NEDD9: variants seen among roughly 807,000 people sequenced by gnomAD.
The protein encoded by NEDD9 is neural precursor cell expressed, developmentally down-regulated 9, also known as enhancer of filamentation 1.
A neutral mutation model predicts 76.6 loss-of-function variants in NEDD9; 26 were observed. The observed-to-expected ratio is 0.34, with a 90% CI of 0.25 to 0.47. The LOEUF is 0.47. NEDD9 is among the 20% of genes least tolerant of loss of function. NEDD9 has a pLI of 1.00. For synonymous variants in NEDD9, 392 were observed against 414.2 expected (o/e 0.95, Z 0.65); for missense variants, 937 against 1,058.5 (o/e 0.89, Z 1.59).
chr6:11,377,449 A>G (rs1218978356), intron 1 of NEDD9, among the ~76,000 whole-genome samples: 1 of 152,258 alleles, frequency 6.6e-6, no homozygotes, highest in Non-Finnish European at 1.5e-5. Flanking sequence ...ACTTGGAGTC[A>G]AAGGAGATTG....
chr6:11,345,029 G>A lies in NEDD9; in HGVS notation c.-213-10468C>T, dbSNP rs144411393. ...GGGGAATTCTTGTGGAAGTAGAGAA[G>A]ATATTATGGAAGAAAGGTATTTTTG... On this transcript the variant is annotated intron_variant, in intron 1 of 3. Coordinates refer to the NEDD9 transcript ENST00000397378. Among the ~76,000 whole-genome samples, 320 of 152,294 alleles carry A rather than the reference G, an allele frequency of 2.1e-3. 3 individuals carry two copies. The highest frequency in any genetic ancestry group is 7.1e-3 in the African/African-American group (294 of 41,560).
At chr6:11,363,732 A>G (rs1052927805) in intron 1 of NEDD9, among the ~76,000 whole-genome samples, 4 of 152,244 alleles carry the variant, frequency 2.6e-5, no homozygotes, top group African/African-American at 9.6e-5. Context: ...GAATAGATGC[A>G]TGAACCTTTT....
At chr6:11,357,826 A>G (rs1275593499) in intron 1 of NEDD9, among the ~76,000 whole-genome samples, 3 of 152,188 alleles carry the variant, frequency 2.0e-5, no homozygotes, top group African/African-American at 7.2e-5. Flanking sequence ...AATCTTTTCT[A>G]CGTCAGTTCT....
At chr6:11,324,750 C>T (rs1016752269) in intron 2 of NEDD9, among the ~76,000 whole-genome samples, 3 of 134,818 alleles carry the variant, frequency 2.2e-5, no homozygotes, top group African/African-American at 8.9e-5. Flanking sequence ...TAAGTGACTC[C>T]CAAGTGTGTT....
At chr6:11,315,786 A>G (rs750573089) in intron 2 of NEDD9, among the ~76,000 whole-genome samples, 3 of 152,232 alleles carry the variant, frequency 2.0e-5, no homozygotes, top group Non-Finnish European at 4.4e-5. Flanking sequence ...AGATGAAAAG[A>G]GCTATTAGTT....
chr6:11,233,142 C>CCTCT (rs70991101), upstream of NEDD9: 26 of 449,318 alleles, frequency 5.8e-5, no homozygotes, highest in Middle Eastern at 3.4e-4. Context: ...CCTGCTGATA[C>CCTCT]CTCTCTCTCT....
At chr6:11,281,954 G>T (rs1291694696) in intron 3 of NEDD9, among the ~76,000 whole-genome samples, 1 of 151,966 alleles carries the variant, frequency 6.6e-6, no homozygotes, top group Non-Finnish European at 1.5e-5. Context: ...GGCCAGGCTT[G>T]TCTAGATCTC....
chr6:11,277,402 T>C (rs1760440175), intron 3 of NEDD9, among the ~76,000 whole-genome samples: 1 of 152,036 alleles, frequency 6.6e-6, no homozygotes, highest in African/African-American at 2.4e-5. Context: ...GAGGTGGCGT[T>C]TGGGGGTGGG....
chr6:11,221,545 A>G (rs377614128), intron 1 of NEDD9, among the ~76,000 whole-genome samples: 6 of 152,160 alleles, frequency 3.9e-5, no homozygotes, highest in Admixed American at 2.6e-4. Flanking sequence ...CTTATTTTAC[A>G]GCCCAGAGGG....
chr6:11,290,695 G>A (rs546687517), intron 3 of NEDD9, among the ~76,000 whole-genome samples: 2 of 152,256 alleles, frequency 1.3e-5, no homozygotes, highest in East Asian at 3.9e-4. Context: ...AATTAATAAG[G>A]GTGGGCAAGA....
chr6:11,294,679 A>G (rs988448877), intron 3 of NEDD9, among the ~76,000 whole-genome samples: 2 of 152,178 alleles, frequency 1.3e-5, no homozygotes, highest in African/African-American at 2.4e-5. Context: ...TTACATTCCT[A>G]CCAACAGTAT....
chr6:11,216,262 G>A (rs557208603), intron 1 of NEDD9, among the ~76,000 whole-genome samples: 8 of 152,308 alleles, frequency 5.3e-5, no homozygotes, highest in East Asian at 3.9e-4. Flanking sequence ...TTCACACACC[G>A]ATACATATTC....
intron 2 of NEDD9, among the ~76,000 whole-genome samples, chr6:11,197,117 C>A (rs1286256959): frequency 2.6e-5 from 4 of 152,144 alleles, no homozygotes; most frequent in Non-Finnish European, 5.9e-5. Flanking sequence ...GTTAAGGGGA[C>A]CTCAAGTTTG....
intron 3 of NEDD9, among the ~76,000 whole-genome samples, chr6:11,242,164 C>G (rs1295806189): frequency 1.3e-5 from 2 of 152,144 alleles, no homozygotes; most frequent in Admixed American, 6.5e-5. Flanking sequence ...CCTTTCTGCC[C>G]ACTGAGCCCG....
At chr6:11,299,267 G>A (rs1436305322) in intron 3 of NEDD9, among the ~76,000 whole-genome samples, 5 of 152,198 alleles carry the variant, frequency 3.3e-5, no homozygotes, top group Admixed American at 6.5e-5. Context: ...GACCTGCAAC[G>A]CTGCAGCTTG....
rs941570067 is a variant in NEDD9, at chr6:11,213,292, C to T, written c.448G>A (p.Val150Met). The T allele has an allele frequency of 8.7e-6, 14 of 1,603,816 alleles. No individual in the cohort carries two copies. The highest frequency in any genetic ancestry group is 5.1e-5 in the Admixed American group (3 of 59,330). Reference sequence around the variant, plus strand: ...AGTCATTTACTCACCTTTTTACCCACGTGGGGCCCACTGGTTCCCCCAATG... The same window carrying T: ...AGTCATTTACTCACCTTTTTACCCATGTGGGGCCCACTGGTTCCCCCAATG... ...RSIGGTSGPHVGKKVITPVRT... is the reference protein window; with the variant it reads ...RSIGGTSGPHMGKKVITPVRT... Residue 150 changes from valine (V) to methionine (M), a missense_variant, in exon 2 of 7, where the codon GTG becomes ATG. Physicochemically the swap from Val to Met is conservative, Grantham distance 21. Coordinates refer to ENST00000379446, the MANE Select transcript of NEDD9 (RefSeq NM_006403.4). This position sits in a 1 kb window ranked among gnomAD's most constrained non-coding sequence, Gnocchi z 5.4.
At chr6:11,224,146 G>A (rs1430252331) in intron 1 of NEDD9, among the ~76,000 whole-genome samples, 3 of 152,198 alleles carry the variant, frequency 2.0e-5, no homozygotes, top group Non-Finnish European at 4.4e-5. Flanking sequence ...TCTTGATTAT[G>A]GATCTGCCAT....
chr6:11,332,986 T>G (rs573403676), intron 2 of NEDD9, among the ~76,000 whole-genome samples: 1 of 118,374 alleles, frequency 8.4e-6, no homozygotes, highest in South Asian at 2.7e-4. Context: ...ATAAGCCAAA[T>G]AAGACAAAGT....
chr6:11,189,061 C>G (rs907611415), intron 5 of NEDD9, among the ~76,000 whole-genome samples: 1 of 151,934 alleles, frequency 6.6e-6, no homozygotes, highest in Non-Finnish European at 1.5e-5. Context: ...ATTCTTCTGC[C>G]TCGGCCTCCC....
Sources: allele counts gnomAD v4.1 joint callset (sites outside exome capture counted in the v4.1 genomes callset), GRCh38; gene constraint gnomAD v4.1.1; non-coding constraint Gnocchi (gnomAD v3.1); transcripts MANE v1.5; gene names NCBI Gene and HGNC (gene_info 2026-07-23, HGNC 2026-07-21).